The following SPATA17 variants were observed in gnomAD, a reference collection of about 807,000 sequenced individuals.
The protein encoded by SPATA17 is spermatogenesis associated 17, also known as spermatogenesis-associated protein 17.
In SPATA17, 53 loss-of-function variants were observed where a neutral mutation model predicts 62.2. The ratio of observed to expected loss-of-function variants is 0.85; its 90% CI spans 0.68 to 1.07. The LOEUF (loss-of-function observed/expected upper bound fraction) is 1.07, where lower values mean the gene tolerates loss of function less well. Ranked by LOEUF, SPATA17 falls within the 50% of genes least tolerant of loss-of-function variation. The pLI, the probability that SPATA17 is intolerant of heterozygous loss-of-function variation, is 0.00. For missense variants in SPATA17, 466 were observed against 425.5 expected, an observed-to-expected ratio of 1.10 and a Z score of -0.84; for synonymous variants, 146 against 146.8, an observed-to-expected ratio of 0.99 and a Z score of 0.04.
chr1:217,731,152 C>CTA (rs1246451910), intron 5 of SPATA17, among the ~76,000 whole-genome samples: 1 of 152,052 alleles, frequency 6.6e-6, no homozygotes. Context: ...CTTGTGTACT[C>CTA]TATTTGACCT....
chr1:217,676,327 T>C (rs1004387781), intron 4 of SPATA17, among the ~76,000 whole-genome samples: 3 of 152,152 alleles, frequency 2.0e-5, no homozygotes, highest in Non-Finnish European at 4.4e-5. Flanking sequence ...ATTTGTCATT[T>C]CTTTGCTGGT....
intron 9 of SPATA17, among the ~76,000 whole-genome samples, chr1:217,821,510 G>A (rs993555224): frequency 4.6e-5 from 7 of 152,012 alleles, no homozygotes; most frequent in African/African-American, 1.7e-4. Flanking sequence ...CAAAATGAAG[G>A]TCACTGGTTA....
intron 9 of SPATA17, among the ~76,000 whole-genome samples, chr1:217,856,934 A>G (rs1571846374): frequency 6.6e-6 from 1 of 152,214 alleles, no homozygotes; most frequent in Admixed American, 6.5e-5. Context: ...AACCAGACTT[A>G]GTTGAAGTCT....
chr1:217,830,588 T>G (rs1675117102), intron 9 of SPATA17, among the ~76,000 whole-genome samples: 1 of 152,144 alleles, frequency 6.6e-6, no homozygotes, highest in South Asian at 2.1e-4. Context: ...TCTGCCTAAA[T>G]GCAATATATT....
At chr1:217,796,628 G>C (rs1674157977) in intron 8 of SPATA17, among the ~76,000 whole-genome samples, 1 of 152,108 alleles carries the variant, frequency 6.6e-6, no homozygotes, top group South Asian at 2.1e-4. Context: ...TCTACTCTAA[G>C]TATAAAATAC....
At chr1:217,830,429 A>ATC (rs1353837001) in intron 9 of SPATA17, among the ~76,000 whole-genome samples, 1 of 152,104 alleles carries the variant, frequency 6.6e-6, no homozygotes, top group African/African-American at 2.4e-5. Flanking sequence ...TGTACTGAAC[A>ATC]TCTCCTCGAC....
intron 6 of SPATA17, among the ~76,000 whole-genome samples, chr1:217,766,008 A>G (rs556733481): frequency 1.3e-5 from 2 of 151,924 alleles, no homozygotes; most frequent in East Asian, 1.9e-4. Flanking sequence ...TTATCCTGGT[A>G]TATCTTTCTC....
chr1:217,721,600 T>C (rs1672128773), intron 5 of SPATA17, among the ~76,000 whole-genome samples: 1 of 152,184 alleles, frequency 6.6e-6, no homozygotes. Flanking sequence ...CAGACTTTGA[T>C]TCAAGGTTGT....
At chr1:217,844,117 G>A (rs1262472732) in intron 9 of SPATA17, among the ~76,000 whole-genome samples, 1 of 152,080 alleles carries the variant, frequency 6.6e-6, no homozygotes, top group Middle Eastern at 3.2e-3. Context: ...AAGCTTCCTA[G>A]GTCAGAGATT....
chr1:217,685,664 T>C (rs1671200558), intron 5 of SPATA17, among the ~76,000 whole-genome samples: 1 of 152,218 alleles, frequency 6.6e-6, no homozygotes, highest in African/African-American at 2.4e-5. Context: ...AACCATCATT[T>C]ATTTTAGGAA....
chr1:217,787,996 A>G (rs1475052965), intron 8 of SPATA17, among the ~76,000 whole-genome samples: 1 of 152,174 alleles, frequency 6.6e-6, no homozygotes, highest in Non-Finnish European at 1.5e-5. Flanking sequence ...AGTTGCTTAG[A>G]TGAAATGGGG....
At chr1:217,675,090 T>C (rs116388307) in intron 4 of SPATA17, among the ~76,000 whole-genome samples, 7,687 of 152,166 alleles carry the variant, frequency 0.051, 259 homozygotes, top group Middle Eastern at 0.12. Flanking sequence ...GGGGTTTCAC[T>C]GGACCCCTTC....
intron 8 of SPATA17, among the ~76,000 whole-genome samples, chr1:217,784,563 T>G (rs1177266957): frequency 6.6e-6 from 1 of 152,170 alleles, no homozygotes; most frequent in African/African-American, 2.4e-5. Context: ...GAAACTCTAT[T>G]TTCCTGTCTG....
At chr1:217,706,449 G>A (rs1479558949) in intron 5 of SPATA17, among the ~76,000 whole-genome samples, 1 of 152,054 alleles carries the variant, frequency 6.6e-6, no homozygotes, top group East Asian at 1.9e-4. Flanking sequence ...GGGATTCTGG[G>A]GGCCGTTCCC....
intron 9 of SPATA17, among the ~76,000 whole-genome samples, chr1:217,803,784 A>G (rs1033797600): frequency 1.1e-4 from 17 of 152,118 alleles, no homozygotes; most frequent in African/African-American, 3.9e-4. Flanking sequence ...TTGGGAGGCC[A>G]AGGTGGGCAG....
intron 9 of SPATA17, among the ~76,000 whole-genome samples, chr1:217,819,339 G>A (rs1289258553): frequency 1.3e-5 from 2 of 151,872 alleles, no homozygotes; most frequent in South Asian, 2.1e-4. Context: ...GGGAGTTGAT[G>A]TCTTGTGGTT....
At chr1:217,716,861 T>C (rs1310777780) in intron 5 of SPATA17, among the ~76,000 whole-genome samples, 1 of 152,238 alleles carries the variant, frequency 6.6e-6, no homozygotes, top group Middle Eastern at 3.2e-3. Flanking sequence ...GTGTGCATGG[T>C]GTTTTATATG....
chr1:217,829,644 A>AAAAAAC (rs1675086689), intron 9 of SPATA17, among the ~76,000 whole-genome samples: 2 of 150,604 alleles, frequency 1.3e-5, no homozygotes, highest in Non-Finnish European at 3.0e-5. Flanking sequence ...AAAAAAAAAA[A>AAAAAAC]AAAAAAAAAA....
At chr1:217,778,037 A>G (rs750347995) in intron 7 of SPATA17, among the ~76,000 whole-genome samples, 17 of 152,268 alleles carry the variant, frequency 1.1e-4, no homozygotes, top group Non-Finnish European at 2.1e-4. Flanking sequence ...TAATCATCAC[A>G]TTGCATATAT....
Sources: allele counts gnomAD v4.1 joint callset (sites outside exome capture counted in the v4.1 genomes callset), GRCh38; gene constraint gnomAD v4.1.1; transcripts MANE v1.5; gene names NCBI Gene and HGNC (gene_info 2026-07-23, HGNC 2026-07-21).